ATE1: variants seen among roughly 807,000 people sequenced by gnomAD.
ATE1 encodes the protein arginyl-tRNA--protein transferase 1.
ATE1 carries 36 observed loss-of-function variants against 70.5 expected under a neutral mutation model. The ratio of observed to expected loss-of-function variants is 0.51; its 90% CI spans 0.39 to 0.67. The LOEUF (loss-of-function observed/expected upper bound fraction) is 0.67. Among genes scored for constraint, ATE1 ranks in the 30% least tolerant of loss-of-function variants. The probability of loss-of-function intolerance (pLI) is 0.00; values close to 1 mark genes in which losing one functional copy is unlikely to be tolerated. For missense variants in ATE1, 593 were observed against 629.5 expected (o/e 0.94, Z 0.62); for synonymous variants, 232 against 219.3 (o/e 1.06, Z -0.51).
intron 10 of ATE1, among the ~76,000 whole-genome samples, chr10:121,823,735 G>A (rs1302976437): frequency 6.6e-6 from 1 of 152,192 alleles, no homozygotes; most frequent in Non-Finnish European, 1.5e-5. Flanking sequence ...TAAAGAGAGA[G>A]ATTAGACAAA....
chr10:121,907,233 T>C (rs558909153), intron 5 of ATE1, among the ~76,000 whole-genome samples: 1 of 151,730 alleles, frequency 6.6e-6, no homozygotes, highest in Admixed American at 6.6e-5. Context: ...GGCAGGTGGA[T>C]CACTTGAGGC....
At chr10:121,902,918 T>G (rs2134326727) in intron 5 of ATE1, among the ~76,000 whole-genome samples, 1 of 152,114 alleles carries the variant, frequency 6.6e-6, no homozygotes, top group Middle Eastern at 3.4e-3. Context: ...CAGGCTGGAG[T>G]GCAATGGCAT....
intron 11 of ATE1, among the ~76,000 whole-genome samples, chr10:121,786,815 T>C (rs116781805): frequency 0.018 from 2,708 of 152,172 alleles, 66 homozygotes; most frequent in African/African-American, 0.062. Flanking sequence ...TGCAGAATAT[T>C]CTCGTTTAGG....
At chr10:121,787,030 T>C (rs192560685) in intron 11 of ATE1, among the ~76,000 whole-genome samples, 2 of 152,318 alleles carry the variant, frequency 1.3e-5, no homozygotes, top group South Asian at 2.1e-4. Context: ...AGGATTTCTT[T>C]AGAATTTTCC....
rs35919973 is a variant in ATE1 at position 121,894,137 on chromosome 10, CA to C, written c.942+5728del. Among the ~76,000 whole-genome samples the C allele has an allele frequency of 7.1e-3, 428 of 60,264 alleles. 1 individual carries two copies. Among genetic ancestry groups the C allele is most frequent in the Admixed American group, 8.8e-3 (49 of 5,542 alleles). 39.5% of individuals were successfully genotyped at this position (60,264 alleles called of 152,430 possible). ...GGGCAACAAGAGCGAAACTCCATCTCAAAAAAAAAAAAAAAAGGAACAGAGG... is the reference window on the plus strand; with the variant it reads ...GGGCAACAAGAGCGAAACTCCATCTCAAAAAAAAAAAAAAAGGAACAGAGG... On this transcript the variant is annotated intron_variant, in intron 7 of 11. Transcript: ENST00000224652.
chr10:121,822,413 T>C (rs1490069637), intron 10 of ATE1, among the ~76,000 whole-genome samples: 1 of 152,202 alleles, frequency 6.6e-6, no homozygotes, highest in Non-Finnish European at 1.5e-5. Context: ...AGTGATGGGC[T>C]TGTGGGGTGC....
At chr10:121,836,187 T>C (rs1414433354) in intron 10 of ATE1, among the ~76,000 whole-genome samples, 3 of 152,128 alleles carry the variant, frequency 2.0e-5, no homozygotes, top group African/African-American at 7.2e-5. Flanking sequence ...ACATCTTCTA[T>C]AGTAAAAAAC....
intron 3 of ATE1, among the ~76,000 whole-genome samples, chr10:121,921,921 A>G (rs1348091248): frequency 1.3e-5 from 2 of 152,198 alleles, no homozygotes; most frequent in Non-Finnish European, 2.9e-5. Flanking sequence ...ACAACATGAG[A>G]ACGTGAACCT....
At chr10:121,763,456 T>C (rs901029621) in intron 11 of ATE1, among the ~76,000 whole-genome samples, 12 of 152,142 alleles carry the variant, frequency 7.9e-5, no homozygotes, top group African/African-American at 2.9e-4. Flanking sequence ...CACATAAAGA[T>C]ATGGGGGAAC....
intron 8 of ATE1, among the ~76,000 whole-genome samples, chr10:121,858,660 A>ATATATATATAATATATATATTT (rs1554913058): frequency 1.4e-5 from 2 of 139,216 alleles, no homozygotes; most frequent in Non-Finnish European, 1.5e-5. Context: ...TATACATATA[A>ATATATATATAATATATATATTT]TATATATATA....
At chr10:121,783,397 T>C (rs1946076188) in intron 11 of ATE1, among the ~76,000 whole-genome samples, 2 of 152,186 alleles carry the variant, frequency 1.3e-5, no homozygotes, top group South Asian at 2.1e-4. Context: ...AAACACTCCA[T>C]AGCTTTGCTA....
At chr10:121,769,532 A>C (rs1156478808) in intron 11 of ATE1, among the ~76,000 whole-genome samples, 2 of 152,204 alleles carry the variant, frequency 1.3e-5, no homozygotes, top group Non-Finnish European at 2.9e-5. Context: ...TGATGCATAA[A>C]AAAATTTTTA....
At chr10:121,848,711 G>A (rs1473706516) in intron 8 of ATE1, among the ~76,000 whole-genome samples, 3 of 143,910 alleles carry the variant, frequency 2.1e-5, no homozygotes, top group Non-Finnish European at 1.6e-5. Context: ...AGGAGTTCGA[G>A]ACCAGCCTGG....
chr10:121,920,267 T>C (rs999544042), intron 3 of ATE1, among the ~76,000 whole-genome samples: 1 of 151,542 alleles, frequency 6.6e-6, no homozygotes, highest in Non-Finnish European at 1.5e-5. Context: ...AGGAGGCTCC[T>C]TTGAGCCTAG....
rs774498016 is a variant in ATE1, at chr10:121,910,926, A to G, written c.563T>C (p.Val188Ala). ...GSGEPSHSVK[V>A]HTVPKPGKGA... ...ACTACCTGGCTTAGGAACTGTGTGA[A>G]CTTTAACTGAATGTGACGGTTCACC... Residue 188 changes from valine to alanine, a missense_variant, in exon 5 of 12, where the codon GTT becomes GCT. Transcript: ENST00000224652. 6.2e-7 allele frequency: 1 copy of G among 1,613,486 alleles called. No individual in the cohort carries two copies. The highest frequency in any genetic ancestry group is 1.1e-5 in the South Asian group (1 of 90,806).
chr10:121,791,543 T>C (rs1946455539), intron 10 of ATE1, among the ~76,000 whole-genome samples: 1 of 152,208 alleles, frequency 6.6e-6, no homozygotes, highest in South Asian at 2.1e-4. Context: ...TTCATAACTA[T>C]CAAGGTTTTG....
chr10:121,928,067 C>G (rs1952179526), upstream of ATE1: 1 of 1,209,344 alleles, frequency 8.3e-7, no homozygotes, highest in South Asian at 4.0e-5. Flanking sequence ...CGAAGCCACT[C>G]GGGCGCCCGC....
At chr10:121,862,087 C>T (rs1949493865) in intron 8 of ATE1, among the ~76,000 whole-genome samples, 1 of 152,202 alleles carries the variant, frequency 6.6e-6, no homozygotes, top group African/African-American at 2.4e-5. Context: ...TTCACCAGCT[C>T]AGCCCTCTTC....
chr10:121,789,713 GT>G (rs1946357849), intron 11 of ATE1, among the ~76,000 whole-genome samples: 1 of 152,104 alleles, frequency 6.6e-6, no homozygotes, highest in Non-Finnish European at 1.5e-5. Context: ...AGAGATACAA[GT>G]AGAAAGTAAA....
Sources: gnomAD v4.1 joint callset for allele counts (sites outside exome capture counted in the v4.1 genomes callset) on GRCh38, gnomAD v4.1.1 for gene constraint, MANE v1.5 for transcripts, NCBI Gene and HGNC (gene_info 2026-07-23, HGNC 2026-07-21) for gene names.